The following ANAPC5 variants were observed in gnomAD, a reference collection of about 807,000 sequenced individuals.
ANAPC5 encodes the protein anaphase-promoting complex subunit 5.
Under a neutral mutation model 91.3 loss-of-function variants are expected in ANAPC5, and 60 were observed. The observed-to-expected ratio is 0.66, with a 90% confidence interval of 0.53 to 0.81. ANAPC5 has a LOEUF of 0.81. Ranked by LOEUF, ANAPC5 falls within the 40% of genes least tolerant of loss-of-function variation. The pLI, the probability that ANAPC5 is intolerant of heterozygous loss-of-function variation, is 0.00. For missense variants in ANAPC5, 690 were observed against 931.5 expected (o/e 0.74, Z 3.37); for synonymous variants, 340 against 364.1 (o/e 0.93, Z 0.75).
intron 7 of ANAPC5, chr12:121,334,781 T>C (rs1221819666): frequency 6.6e-6 from 1 of 152,220 alleles, no homozygotes; most frequent in Non-Finnish European, 1.5e-5. Flanking sequence ...TTCTGGCTTT[T>C]TGAAATACTA....
intron 4 of ANAPC5, among the ~76,000 whole-genome samples, chr12:121,344,581 C>CAAAAA (rs58016198): frequency 1.2e-5 from 1 of 81,830 alleles, no homozygotes. Flanking sequence ...GACTTGATCT[C>CAAAAA]AAAAAAAAAA....
chr12:121,324,480 A>G (rs1902734450), intron 11 of ANAPC5, among the ~76,000 whole-genome samples: 3 of 152,156 alleles, frequency 2.0e-5, no homozygotes. Flanking sequence ...GGTGAAAGGG[A>G]GATGAAGATG....
chr12:121,310,244 A>T (rs1251992780), intron 15 of ANAPC5: 2 of 109,052 alleles, frequency 1.8e-5, no homozygotes, highest in East Asian at 2.2e-4. Context: ...TAGTATGTTT[A>T]AAAAAAAAAG....
At chr12:121,320,698 G>C in intron 11 of ANAPC5, 1 of 306,982 alleles carries the variant, frequency 3.3e-6, no homozygotes, top group East Asian at 5.2e-5. Flanking sequence ...CGCTTCCCGG[G>C]TTCACGCCAT....
intron 13 of ANAPC5, among the ~76,000 whole-genome samples, chr12:121,319,237 CTTT>C (rs71790112): frequency 2.1e-5 from 3 of 141,884 alleles, no homozygotes. Context: ...TCTGTATTTT[CTTT>C]TTTTTTTTTT....
At chr12:121,310,962 G>C (rs547639243) in intron 15 of ANAPC5, among the ~76,000 whole-genome samples, 1 of 143,370 alleles carries the variant, frequency 7.0e-6, no homozygotes, top group East Asian at 2.0e-4. Context: ...AATCAAATTA[G>C]AAATAATGAC....
At chr12:121,352,088 C>G in intron 1 of ANAPC5, 46 bp downstream of exon 1, 2 of 1,551,550 alleles carry the variant, frequency 1.3e-6, no homozygotes, top group Non-Finnish European at 1.7e-6. Context: ...AGCAGATGCT[C>G]AGTAAAAGTT....
At position 121,337,378 on chromosome 12, in the gene ANAPC5, C is replaced by T. The variant is rs781924871; in HGVS notation, c.672G>A (p.Lys224=). The part of the protein sequence containing the change: ...FFLSQQASLL[K]NDETKALTPA... ...GAGTGAGGGCCTTAGTCTCATCATT[C>T]TTTAGCAAAGAAGCCTGAAATTTAA... Residue 224 remains lysine (K), a synonymous_variant, in exon 6 of 17, where the codon AAG becomes AAA. Transcript: ENST00000261819. 3.1e-6 allele frequency: 5 copies of T among 1,612,670 alleles called. No homozygotes were observed. Among genetic ancestry groups the T allele is most frequent in the Non-Finnish European group, 3.4e-6 (4 of 1,179,160 alleles).
chr12:121,330,202 C>T (rs183913114), intron 9 of ANAPC5, among the ~76,000 whole-genome samples: 18 of 152,224 alleles, frequency 1.2e-4, no homozygotes, highest in Non-Finnish European at 1.9e-4. Flanking sequence ...AGCCTGAAGC[C>T]CCTAAGTAGG....
rs555550632 is a variant in ANAPC5, at chr12:121,349,586, T to A, written c.208-1705A>T. Among the ~76,000 whole-genome samples the A allele has an allele frequency of 2.1e-4, 31 of 150,774 alleles. No individual in the cohort carries two copies. In the East Asian group the frequency reaches 3.9e-3, roughly 19 times the overall value. On this transcript the variant is annotated intron_variant, in intron 1 of 16. Transcript: ENST00000261819. Reference sequence around the variant, plus strand: ...CACTCTAAAAAAATTAAAAAAAAAATAAATTTAAAAATAAAAAATTAAATA... The same window carrying A: ...CACTCTAAAAAAATTAAAAAAAAAAAAAATTTAAAAATAAAAAATTAAATA...
At chr12:121,331,671 C>T (rs1355941307) in intron 7 of ANAPC5, 1 of 296,324 alleles carries the variant, frequency 3.4e-6, no homozygotes, top group African/African-American at 2.1e-5. Context: ...AAAGCAAAGG[C>T]TTTTATCTCC....
chr12:121,328,062 C>G (rs1902890838), intron 10 of ANAPC5: 1 of 394,082 alleles, frequency 2.5e-6, no homozygotes, highest in Admixed American at 3.9e-5. Flanking sequence ...CCCTGGTTTA[C>G]TCTCCCAGCA....
chr12:121,351,525 T>G (rs11065529), intron 1 of ANAPC5, among the ~76,000 whole-genome samples: 1 of 151,470 alleles, frequency 6.6e-6, no homozygotes, highest in Non-Finnish European at 1.5e-5. Flanking sequence ...TGGCGCGATC[T>G]CGGCTCACTG....
intron 11 of ANAPC5, among the ~76,000 whole-genome samples, chr12:121,323,825 T>G (rs1244632923): frequency 1.3e-5 from 2 of 152,168 alleles, no homozygotes; most frequent in Non-Finnish European, 2.9e-5. Context: ...GTCTCACCAA[T>G]TATTTTCATG....
At chr12:121,318,452 G>A in intron 14 of ANAPC5, 28 bp from the exon 15 acceptor site, 3 of 1,611,608 alleles carry the variant, frequency 1.9e-6, no homozygotes, top group Non-Finnish European at 2.5e-6. Context: ...AACACAGGAT[G>A]AGAAGATCCA....
chr12:121,332,713 T>C (rs895510515), intron 7 of ANAPC5: 1 of 152,154 alleles, frequency 6.6e-6, no homozygotes, highest in Non-Finnish European at 1.5e-5. Flanking sequence ...CACAGGCCCA[T>C]AGATCCAAGA....
intron 8 of ANAPC5, 69 bp downstream of exon 8, chr12:121,331,278 T>A: frequency 7.3e-7 from 1 of 1,369,394 alleles, no homozygotes; most frequent in Middle Eastern, 2.1e-4. Flanking sequence ...AACAACCCAA[T>A]TCAACGGGGC....
chr12:121,320,086 CCTT>C (rs1902535920), intron 12 of ANAPC5, among the ~76,000 whole-genome samples: 1 of 152,152 alleles, frequency 6.6e-6, no homozygotes, highest in Non-Finnish European at 1.5e-5. Context: ...CCAATGAAGT[CCTT>C]TGCAAATTCT....
chr12:121,328,291 A>AC (rs1902899687), intron 10 of ANAPC5, 25 bp downstream of exon 10: 1 of 1,608,122 alleles, frequency 6.2e-7, no homozygotes, highest in Non-Finnish European at 8.5e-7. Context: ...AAGAATTCAC[A>AC]CCCCCAGGGC....
Sources: allele counts gnomAD v4.1 joint callset (sites outside exome capture counted in the v4.1 genomes callset), GRCh38; gene constraint gnomAD v4.1.1; transcripts MANE v1.5; gene names NCBI Gene and HGNC (gene_info 2026-07-23, HGNC 2026-07-21).